Variants in ESR1 observed in about 807,000 individuals in gnomAD.
ESR1 encodes the protein estrogen receptor.
Under a neutral mutation model 52.7 loss-of-function variants are expected in ESR1, and 12 were observed. The ratio of observed to expected loss-of-function variants is 0.23; its 90% CI spans 0.15 to 0.37. The LOEUF (loss-of-function observed/expected upper bound fraction) is 0.37. ESR1 is among the 10% of genes least tolerant of loss of function. ESR1 has a pLI of 1.00. For missense variants in ESR1, 584 were observed against 779.7 expected (o/e 0.75, Z 2.99); for synonymous variants, 305 against 316.8 (o/e 0.96, Z 0.39).
chr6:151,959,200 C>T (rs1429618084), intron 4 of ESR1, among the ~76,000 whole-genome samples: 1 of 152,068 alleles, frequency 6.6e-6, no homozygotes, highest in Non-Finnish European at 1.5e-5. Flanking sequence ...AGGAAATGCC[C>T]CCTATTCAAC....
chr6:152,113,738 C>T (rs745966866), intron 6 of ESR1, among the ~76,000 whole-genome samples: 1 of 152,106 alleles, frequency 6.6e-6, no homozygotes, highest in Non-Finnish European at 1.5e-5. Flanking sequence ...ACTAGAGGAA[C>T]GACTAAAATA....
At chr6:151,957,110 C>T (rs2037083890) in intron 4 of ESR1, among the ~76,000 whole-genome samples, 1 of 151,768 alleles carries the variant, frequency 6.6e-6, no homozygotes, top group Non-Finnish European at 1.5e-5. Context: ...ATCTCCTGAC[C>T]TCGTGATCCG....
At chr6:152,050,418 A>G (rs2046588186) in intron 5 of ESR1, among the ~76,000 whole-genome samples, 1 of 152,232 alleles carries the variant, frequency 6.6e-6, no homozygotes, top group Admixed American at 6.5e-5. Context: ...TTTTCAGAAT[A>G]ACTCTAAGAT....
chr6:151,827,977 A>G (rs559676347), intron 1 of ESR1, among the ~76,000 whole-genome samples: 1 of 152,352 alleles, frequency 6.6e-6, no homozygotes, highest in African/African-American at 2.4e-5. Flanking sequence ...TTATTTTCAA[A>G]TGAGGAAAAT....
chr6:151,998,468 A>C (rs566701058), intron 4 of ESR1, among the ~76,000 whole-genome samples: 1 of 152,074 alleles, frequency 6.6e-6, no homozygotes, highest in African/African-American at 2.4e-5. Context: ...TTCTTTGGGA[A>C]AAGCCAAGAT....
intron 2 of ESR1, among the ~76,000 whole-genome samples, chr6:151,857,083 C>T (rs1452946807): frequency 2.6e-5 from 4 of 152,054 alleles, no homozygotes; most frequent in African/African-American, 4.8e-5. Flanking sequence ...TGGCTGCACA[C>T]GTACATAAGT....
chr6:151,954,941 A>C (rs566218589), intron 4 of ESR1, among the ~76,000 whole-genome samples: 1 of 152,326 alleles, frequency 6.6e-6, no homozygotes, highest in South Asian at 2.1e-4. Flanking sequence ...TGCCGCCTTT[A>C]CATTGGGTCT....
At chr6:151,973,013 C>A (rs573596581) in intron 4 of ESR1, among the ~76,000 whole-genome samples, 1 of 152,290 alleles carries the variant, frequency 6.6e-6, no homozygotes, top group Admixed American at 6.5e-5. Context: ...TCTGGCCATG[C>A]TGGCAGCTGA....
intron 5 of ESR1, among the ~76,000 whole-genome samples, chr6:152,060,217 T>C (rs9341011): frequency 4.7e-4 from 71 of 152,332 alleles, no homozygotes; most frequent in Admixed American, 2.4e-3. Context: ...ACTACTAATG[T>C]TAAATTCTTG....
chr6:151,885,693 C>T (rs879564973), intron 3 of ESR1, among the ~76,000 whole-genome samples: 4 of 152,046 alleles, frequency 2.6e-5, no homozygotes, highest in Non-Finnish European at 5.9e-5. Context: ...GGTGAAACCT[C>T]GTCTCTACAA....
intron 2 of ESR1, among the ~76,000 whole-genome samples, chr6:151,846,688 A>C (rs1785181402): frequency 6.6e-6 from 1 of 152,226 alleles, no homozygotes; most frequent in Non-Finnish European, 1.5e-5. Context: ...TACAAACTTG[A>C]TTACTTAAGA....
intron 1 of ESR1, among the ~76,000 whole-genome samples, chr6:151,814,906 T>C (rs1010493375): frequency 6.6e-6 from 1 of 152,216 alleles, no homozygotes; most frequent in African/African-American, 2.4e-5. Context: ...GTCTTGACTG[T>C]TGTCTCCCAG....
At chr6:152,028,497 A>G (rs1244456719) in intron 5 of ESR1, among the ~76,000 whole-genome samples, 2 of 152,160 alleles carry the variant, frequency 1.3e-5, no homozygotes, top group East Asian at 3.9e-4. Flanking sequence ...AGGAGATTAT[A>G]TCCTGTGCCT....
rs189091281 is a variant in ESR1, at chr6:151,850,209, A to G, written c.643+7422A>G. 1.0e-4 allele frequency among the ~76,000 whole-genome samples: 11 copies of G among 109,086 alleles called. No homozygotes were observed. The East Asian group carries it at 3.1e-3, about 31-fold the overall frequency. 71.6% of individuals were successfully genotyped at this position (109,086 alleles called of 152,430 possible). A position where few individuals can be genotyped will look rare whatever the true frequency, so the allele number is the denominator to read the frequency against. On this transcript the variant is annotated intron_variant, in intron 2 of 7. Coordinates refer to ENST00000206249, the MANE Select transcript of ESR1 (RefSeq NM_000125.4). ...TGCCTCAGAATGTGACCTTATTTGG[A>G]AATAATGTCATTCCAGGTGTAATTA...
intron 4 of ESR1, among the ~76,000 whole-genome samples, chr6:152,007,338 G>A (rs1252103666): frequency 2.6e-5 from 4 of 152,100 alleles, no homozygotes; most frequent in African/African-American, 7.2e-5. Context: ...AGGAAAAACC[G>A]TTACTGTATA....
intron 2 of ESR1, among the ~76,000 whole-genome samples, chr6:151,739,270 C>T (rs1480526786): frequency 6.6e-6 from 1 of 152,142 alleles, no homozygotes; most frequent in African/African-American, 2.4e-5. Context: ...GCATGAAAAG[C>T]ATTTAGCAAG....
intron 3 of ESR1, among the ~76,000 whole-genome samples, chr6:151,907,183 T>C (rs1478524186): frequency 6.6e-6 from 1 of 152,126 alleles, no homozygotes; most frequent in Non-Finnish European, 1.5e-5. Flanking sequence ...AAAGGGACTT[T>C]GTTCTTCTTC....
intron 1 of ESR1, among the ~76,000 whole-genome samples, chr6:151,685,195 G>A (rs1042899121): frequency 8.3e-5 from 11 of 132,052 alleles, no homozygotes; most frequent in African/African-American, 2.9e-4. Flanking sequence ...CTGCAGTGGC[G>A]CAATCTCGGC....
intron 6 of ESR1, among the ~76,000 whole-genome samples, chr6:152,109,994 A>G (rs1436352595): frequency 1.3e-5 from 2 of 152,236 alleles, no homozygotes; most frequent in African/African-American, 2.4e-5. Context: ...TCATACACAC[A>G]AAAGCTACGT....
Sources: gnomAD v4.1 joint callset for allele counts (sites outside exome capture counted in the v4.1 genomes callset) on GRCh38, gnomAD v4.1.1 for gene constraint, MANE v1.5 for transcripts, NCBI Gene and HGNC (gene_info 2026-07-23, HGNC 2026-07-21) for gene names.